Variants in RAB27B observed in about 807,000 individuals in gnomAD.
RAB27B encodes the protein ras-related protein Rab-27B.
Under a neutral mutation model 24.6 loss-of-function variants are expected in RAB27B, and 15 were observed. That is an observed-to-expected ratio of 0.61 (90% confidence interval 0.41 to 0.94). The LOEUF (loss-of-function observed/expected upper bound fraction) is 0.94. Ranked by LOEUF, RAB27B falls within the 40% of genes least tolerant of loss-of-function variation. The pLI is 0.00. For synonymous variants in RAB27B, 105 were observed against 92.5 expected (o/e 1.14, Z -0.78); for missense variants, 261 against 266.8 (o/e 0.98, Z 0.15).
chr18:54,810,249 G>A (rs2145147693), intron 2 of RAB27B, among the ~76,000 whole-genome samples: 1 of 152,154 alleles, frequency 6.6e-6, no homozygotes, highest in East Asian at 1.9e-4. Context: ...TTCACAGTGA[G>A]GCCTGTCATT....
chr18:54,872,873 A>G (rs972249524), intron 1 of RAB27B, among the ~76,000 whole-genome samples: 8 of 152,172 alleles, frequency 5.3e-5, no homozygotes, highest in African/African-American at 1.9e-4. Flanking sequence ...CTCCTTCTAT[A>G]TGGCAGCCAC....
chr18:54,741,646 AC>A (rs1910075525), intron 2 of RAB27B, among the ~76,000 whole-genome samples: 1 of 152,090 alleles, frequency 6.6e-6, no homozygotes, highest in African/African-American at 2.4e-5. Context: ...GGCATGCACC[AC>A]CATGCCCAGC....
chr18:54,732,600 T>C (rs564161219), intron 2 of RAB27B, among the ~76,000 whole-genome samples: 46 of 152,282 alleles, frequency 3.0e-4, no homozygotes, highest in Non-Finnish European at 4.9e-4. Context: ...TCAGGAAATA[T>C]ATAATCAACA....
chr18:54,751,690 A>G (rs968335141), intron 2 of RAB27B, among the ~76,000 whole-genome samples: 1 of 152,210 alleles, frequency 6.6e-6, no homozygotes, highest in Non-Finnish European at 1.5e-5. Context: ...TACACAAAGT[A>G]TGACTGACTA....
chr18:54,800,455 A>G (rs1909565066), intron 2 of RAB27B, among the ~76,000 whole-genome samples: 1 of 152,114 alleles, frequency 6.6e-6, no homozygotes, highest in Non-Finnish European at 1.5e-5. Flanking sequence ...CCTCCTCCCC[A>G]CCAATGCTCC....
At chr18:54,875,607 A>G (rs370383346) in intron 1 of RAB27B, among the ~76,000 whole-genome samples, 29 of 152,168 alleles carry the variant, frequency 1.9e-4, no homozygotes, top group South Asian at 1.0e-3. Context: ...GCTAGTGAAG[A>G]AAGTGTGTTA....
At chr18:54,825,057 T>C (rs2145173372), upstream of RAB27B, among the ~76,000 whole-genome samples, 1 of 152,336 alleles carries the variant, frequency 6.6e-6, no homozygotes, top group East Asian at 1.9e-4. Flanking sequence ...CTGAAAATTT[T>C]TTAAAATCAA....
intron 1 of RAB27B, among the ~76,000 whole-genome samples, chr18:54,847,927 G>A (rs1448155766): frequency 6.6e-5 from 10 of 152,164 alleles, no homozygotes; most frequent in African/African-American, 2.4e-4. Context: ...AAATCCCTTA[G>A]GCCCAGAATC....
intron 4 of RAB27B, among the ~76,000 whole-genome samples, chr18:54,885,681 T>C (rs1568116409): frequency 2.0e-5 from 3 of 151,988 alleles, no homozygotes; most frequent in Admixed American, 6.6e-5. Flanking sequence ...TGATAATGTG[T>C]TATGTATTTT....
intron 2 of RAB27B, among the ~76,000 whole-genome samples, chr18:54,785,261 C>G (rs1486129464): frequency 9.6e-5 from 1 of 10,382 alleles, no homozygotes; most frequent in Non-Finnish European, 2.6e-3. Context: ...ATCAGCATGT[C>G]TGGCTTTTTT....
In RAB27B at chr18:54,876,607, T is replaced by A. The variant is rs748893290; in HGVS notation, c.-19-960T>A. Among the ~76,000 whole-genome samples the A allele has an allele frequency of 7.9e-5, 12 of 152,086 alleles. 1 individual carries two copies. The highest frequency in any genetic ancestry group is 1.5e-4 in the Non-Finnish European group (10 of 68,012). On this transcript the variant is annotated intron_variant, in intron 1 of 5. Transcript: ENST00000262094. ...ACTCAGGAGTGGAGATTTCACCAAG[T>A]AGGTAATTGTGTCATTCAAATACAT...
At position 54,860,075 on chromosome 18, in the gene RAB27B, A is replaced by T. The variant is rs28674693; in HGVS notation, c.-19-17492A>T. 7.4e-3 allele frequency among the ~76,000 whole-genome samples: 1,119 copies of T among 152,226 alleles called. 19 individuals are homozygous for T. Among genetic ancestry groups the T allele is most frequent in the African/African-American group, 0.026 (1,066 of 41,528 alleles). On this transcript the variant is annotated intron_variant, in intron 1 of 5. Coordinates refer to ENST00000262094, the MANE Select transcript of RAB27B (RefSeq NM_004163.4). Reference sequence around the variant, plus strand: ...ATTAATTGTTTTGTGTTTTTGTTACATTGGGTACTTGTCAAAAGGGTTTTG... The same window carrying T: ...ATTAATTGTTTTGTGTTTTTGTTACTTTGGGTACTTGTCAAAAGGGTTTTG...
chr18:54,818,129 T>G (rs1910175179), intron 2 of RAB27B, among the ~76,000 whole-genome samples: 1 of 152,188 alleles, frequency 6.6e-6, no homozygotes, highest in Non-Finnish European at 1.5e-5. Flanking sequence ...TGTTCTCCAA[T>G]GCCAATTACC....
chr18:54,833,522 CG>C (rs927995747), intron 1 of RAB27B, among the ~76,000 whole-genome samples: 1 of 152,034 alleles, frequency 6.6e-6, no homozygotes, highest in Non-Finnish European at 1.5e-5. Context: ...CAACTGCACC[CG>C]GCCATGAATC....
intron 2 of RAB27B, among the ~76,000 whole-genome samples, chr18:54,806,628 A>T (rs559839837): frequency 5.6e-4 from 84 of 150,590 alleles, no homozygotes; most frequent in Non-Finnish European, 1.2e-3. Context: ...ATATTGTATC[A>T]TAACATCTTT....
At chr18:54,774,776 G>A (rs1007486567) in intron 2 of RAB27B, among the ~76,000 whole-genome samples, 8 of 151,790 alleles carry the variant, frequency 5.3e-5, no homozygotes, top group African/African-American at 1.9e-4. Flanking sequence ...CTTTTTTCTT[G>A]GTCATTCTCT....
chr18:54,822,104 A>G (rs541128323), intron 2 of RAB27B, among the ~76,000 whole-genome samples: 6 of 152,342 alleles, frequency 3.9e-5, no homozygotes, highest in East Asian at 3.9e-4. Flanking sequence ...CCAAAAAATA[A>G]GGCAAGATAA....
intron 1 of RAB27B, among the ~76,000 whole-genome samples, chr18:54,854,216 T>A (rs750120257): frequency 3.9e-5 from 6 of 152,208 alleles, no homozygotes; most frequent in Non-Finnish European, 4.4e-5. Context: ...ACAATATCTT[T>A]AGAGTCAGCC....
At chr18:54,753,758 A>G (rs1371891179) in intron 2 of RAB27B, among the ~76,000 whole-genome samples, 1 of 152,222 alleles carries the variant, frequency 6.6e-6, no homozygotes, top group Non-Finnish European at 1.5e-5. Flanking sequence ...ATTGCTTGGT[A>G]ATTTGTACGT....
Sources: gnomAD v4.1 joint callset for allele counts (sites outside exome capture counted in the v4.1 genomes callset) on GRCh38, gnomAD v4.1.1 for gene constraint, MANE v1.5 for transcripts, NCBI Gene and HGNC (gene_info 2026-07-23, HGNC 2026-07-21) for gene names.